The following LPCAT2 variants were observed in gnomAD, a reference collection of about 807,000 sequenced individuals.
LPCAT2 encodes lysophosphatidylcholine acyltransferase 2.
LPCAT2 carries 58 observed loss-of-function variants against 64.7 expected under a neutral mutation model. That is an observed-to-expected ratio of 0.90 (90% confidence interval 0.73 to 1.12). The LOEUF is 1.12. Among genes scored for constraint, LPCAT2 ranks in the 50% most tolerant of loss-of-function variants. The pLI is 0.00. For missense variants in LPCAT2, 579 were observed against 669.8 expected (o/e 0.86, Z 1.50); for synonymous variants, 252 against 245.3 (o/e 1.03, Z -0.26).
chr16:55,572,081 C>A (rs1321864846), intron 11 of LPCAT2, among the ~76,000 whole-genome samples: 1 of 152,136 alleles, frequency 6.6e-6, no homozygotes, highest in Admixed American at 6.5e-5. Flanking sequence ...TTCATATACC[C>A]TCTCTTGTGA....
chr16:55,583,039 A>G lies in LPCAT2; in HGVS notation c.1576A>G (p.Ser526Gly). Residue 526 changes from serine (S) to glycine (G), a missense_variant, in exon 14 of 14, where the codon AGT becomes GGT. Coordinates refer to ENST00000262134, the MANE Select transcript of LPCAT2 (RefSeq NM_017839.5). ...AGTCCAGACAACCCCCTCCACCGCC[A>G]GTAATAAAGTCAGCCCTGAAAAGCA... ...KEVQTTPSTA[S>G]NKVSPEKHEE... 1 of 1,613,912 alleles carries G rather than the reference A, an allele frequency of 6.2e-7. No homozygotes were observed. Among genetic ancestry groups the G allele is most frequent in the South Asian group, 1.1e-5 (1 of 91,072 alleles).
At chr16:55,540,600 C>CA (rs1963384501) in intron 8 of LPCAT2, 1 of 152,216 alleles carries the variant, frequency 6.6e-6, no homozygotes, top group Non-Finnish European at 1.5e-5. Context: ...ACTGACTGTG[C>CA]AGTCAGTTTC....
intron 11 of LPCAT2, among the ~76,000 whole-genome samples, chr16:55,555,288 A>G (rs772773603): frequency 2.0e-5 from 3 of 152,176 alleles, no homozygotes; most frequent in Non-Finnish European, 4.4e-5. Context: ...TTAACAGTTT[A>G]ATAATGTCTT....
chr16:55,579,499 G>A (rs552946615), intron 13 of LPCAT2, among the ~76,000 whole-genome samples: 3 of 152,060 alleles, frequency 2.0e-5, no homozygotes, highest in Admixed American at 6.6e-5. Context: ...CTATCTAATC[G>A]GTATTCTTAA....
At chr16:55,526,058 A>G (rs1431245099) in intron 2 of LPCAT2, 1 of 152,634 alleles carries the variant, frequency 6.6e-6, no homozygotes, top group Non-Finnish European at 1.5e-5. Flanking sequence ...TTCTCCCTCT[A>G]CAGCTTTCTG....
chr16:55,560,230 A>T (rs114948651), intron 11 of LPCAT2, among the ~76,000 whole-genome samples: 1 of 152,258 alleles, frequency 6.6e-6, no homozygotes, highest in African/African-American at 2.4e-5. Flanking sequence ...TTTCATCTGT[A>T]TGGACTCTAG....
At chr16:55,511,163 T>C (rs190781211) in intron 1 of LPCAT2, among the ~76,000 whole-genome samples, 2 of 152,232 alleles carry the variant, frequency 1.3e-5, no homozygotes, top group Non-Finnish European at 2.9e-5. Flanking sequence ...AATCTGTTAT[T>C]GTTTGTTGAT....
intron 13 of LPCAT2, among the ~76,000 whole-genome samples, chr16:55,579,787 A>T (rs1015382430): frequency 3.3e-5 from 5 of 152,210 alleles, no homozygotes; most frequent in African/African-American, 1.2e-4. Context: ...TGACCTATGT[A>T]ACTTTTCACA....
chr16:55,568,433 A>G (rs1963732064), intron 11 of LPCAT2, among the ~76,000 whole-genome samples: 2 of 152,228 alleles, frequency 1.3e-5, no homozygotes, highest in Admixed American at 6.5e-5. Context: ...AAAAAGAAAA[A>G]CACATGAACA....
chr16:55,572,124 G>A (rs369178168), intron 11 of LPCAT2, among the ~76,000 whole-genome samples: 4 of 152,034 alleles, frequency 2.6e-5, no homozygotes, highest in East Asian at 3.9e-4. Context: ...AAAACCACTC[G>A]TATGTTAATG....
chr16:55,579,253 G>C lies in LPCAT2; in HGVS notation c.1450+9G>C. The C allele has an allele frequency of 6.2e-7, 1 of 1,610,748 alleles. No individual in the cohort carries two copies. Among genetic ancestry groups the C allele is most frequent in the Non-Finnish European group, 8.5e-7 (1 of 1,178,502 alleles). On this transcript the variant is annotated intron_variant, in intron 13 of 13. Transcript: ENST00000262134. ...GGACTCAATTTCCTATGGTGAGTAG[G>C]CAATCTGGCCTCCTGACTTAGTTTA...
At chr16:55,533,477 C>T (rs1242616987) in intron 6 of LPCAT2, among the ~76,000 whole-genome samples, 1 of 123,178 alleles carries the variant, frequency 8.1e-6, no homozygotes, top group African/African-American at 3.1e-5. Flanking sequence ...ATGGCGTGAT[C>T]TTGGCTCACT....
chr16:55,554,318 A>G (rs1329340701), intron 11 of LPCAT2, among the ~76,000 whole-genome samples: 5 of 152,202 alleles, frequency 3.3e-5, no homozygotes, highest in African/African-American at 1.2e-4. Context: ...GTCATCAATT[A>G]TCTTAGCTAG....
chr16:55,554,205 T>A (rs1415222733), intron 11 of LPCAT2, among the ~76,000 whole-genome samples: 1 of 152,146 alleles, frequency 6.6e-6, no homozygotes, highest in African/African-American at 2.4e-5. Flanking sequence ...AACAAAAGGA[T>A]CAGCCTGTCT....
At chr16:55,532,085 T>C in intron 5 of LPCAT2, 111 bp downstream of exon 5, 2 of 716,606 alleles carry the variant, frequency 2.8e-6, no homozygotes, top group Middle Eastern at 7.6e-4. Context: ...ATTTTTTTCT[T>C]TTCTGATAGC....
intron 8 of LPCAT2, among the ~76,000 whole-genome samples, chr16:55,544,234 T>C (rs1211286041): frequency 2.7e-4 from 12 of 44,972 alleles, no homozygotes; most frequent in African/African-American, 3.8e-4. Context: ...ACAGGTCCAT[T>C]TGGAAAAAAA....
chr16:55,568,702 A>G (rs1326854443), intron 11 of LPCAT2, among the ~76,000 whole-genome samples: 1 of 152,062 alleles, frequency 6.6e-6, no homozygotes. Flanking sequence ...ACCTCACAGT[A>G]TTTTTCAAGC....
At chr16:55,553,034 G>C (rs1431585680) in intron 11 of LPCAT2, among the ~76,000 whole-genome samples, 4 of 21,832 alleles carry the variant, frequency 1.8e-4, no homozygotes, top group Non-Finnish European at 1.6e-3. Context: ...TCAGGAATTT[G>C]AGAACAGCTT....
At chr16:55,574,757 T>C in intron 12 of LPCAT2, 28 bp downstream of exon 12, 1 of 1,527,828 alleles carries the variant, frequency 6.5e-7, no homozygotes, top group Non-Finnish European at 9.1e-7. Context: ...GAAAGCATCT[T>C]GGTCTGCCTT....
Sources: gnomAD v4.1 joint callset for allele counts (sites outside exome capture counted in the v4.1 genomes callset) on GRCh38, gnomAD v4.1.1 for gene constraint, MANE v1.5 for transcripts, NCBI Gene and HGNC (gene_info 2026-07-23, HGNC 2026-07-21) for gene names.